The following GRID2 variants were observed in gnomAD, a reference collection of about 807,000 sequenced individuals.
GRID2 encodes the protein glutamate receptor ionotropic, delta-2.
GRID2 carries 33 observed loss-of-function variants against 114.8 expected under a neutral mutation model. That is an observed-to-expected ratio of 0.29 (90% CI 0.22 to 0.38). GRID2 has a LOEUF of 0.38. GRID2 is among the 10% of genes least tolerant of loss of function. The pLI, the probability that GRID2 is intolerant of heterozygous loss-of-function variation, is 1.00. For synonymous variants in GRID2, 505 were observed against 449.9 expected, an observed-to-expected ratio of 1.12 and a Z score of -1.55; for missense variants, 1,184 against 1,257.7, an observed-to-expected ratio of 0.94 and a Z score of 0.89.
intron 13 of GRID2, among the ~76,000 whole-genome samples, chr4:93,606,705 TTTAAAG>T: frequency 6.6e-6 from 1 of 152,294 alleles, no homozygotes; most frequent in South Asian, 2.1e-4. Context: ...TATTATTCAG[TTTAAAG>T]TTAAGGTGTG....
chr4:92,647,291 A>G (rs1287411369), intron 2 of GRID2, among the ~76,000 whole-genome samples: 1 of 152,130 alleles, frequency 6.6e-6, no homozygotes, highest in African/African-American at 2.4e-5. Context: ...TAATTGCTTT[A>G]CTATTACTAT....
intron 1 of GRID2, among the ~76,000 whole-genome samples, chr4:92,411,210 G>A (rs907020978): frequency 1.3e-5 from 2 of 152,066 alleles, no homozygotes; most frequent in African/African-American, 4.8e-5. Context: ...AGATATTTAT[G>A]TACGTGAACT....
chr4:92,709,583 A>ATATATAT (rs1553919213), intron 2 of GRID2, among the ~76,000 whole-genome samples: 10 of 127,892 alleles, frequency 7.8e-5, no homozygotes, highest in African/African-American at 3.1e-4. Flanking sequence ...AAAAAAAAAA[A>ATATATAT]AAAAAAATAT....
At chr4:93,661,572 A>G (rs72672422) in intron 14 of GRID2, among the ~76,000 whole-genome samples, 23,309 of 152,132 alleles carry the variant, frequency 0.15, 2,049 homozygotes, top group East Asian at 0.41. Flanking sequence ...TATATATTAA[A>G]TAAGCCTTCT....
chr4:92,340,731 G>A (rs1035606101), intron 1 of GRID2, among the ~76,000 whole-genome samples: 7 of 152,144 alleles, frequency 4.6e-5, no homozygotes, highest in Admixed American at 2.6e-4. Context: ...TTTTTATTCA[G>A]CATATTGCAT....
intron 2 of GRID2, among the ~76,000 whole-genome samples, chr4:92,827,397 A>G (rs1250358371): frequency 6.7e-6 from 1 of 148,538 alleles, no homozygotes; most frequent in Admixed American, 6.8e-5. Flanking sequence ...AGGGATCCTG[A>G]GATTTAAAAA....
Position 93,742,145 on chromosome 4 carries a change from G to A in GRID2, c.2361-27065G>A, listed in dbSNP as rs571271376. Among the ~76,000 whole-genome samples, 14 of 152,114 alleles carry A rather than the reference G, an allele frequency of 9.2e-5. No individual in the cohort carries two copies. The South Asian group carries it at 1.7e-3, about 18-fold the overall frequency. ...TTTTTATTGTCAATGTCATCACTTA[G>A]CAGCTTCCTTAAATTGCCCCCAAAT... On this transcript the variant is annotated intron_variant, in intron 14 of 15. Coordinates refer to ENST00000282020, the MANE Select transcript of GRID2 (RefSeq NM_001510.4).
At chr4:93,725,781 C>G (rs868864784) in intron 14 of GRID2, among the ~76,000 whole-genome samples, 1 of 152,100 alleles carries the variant, frequency 6.6e-6, no homozygotes, top group Non-Finnish European at 1.5e-5. Context: ...TAAATGTCTT[C>G]TTTTGAGAAG....
chr4:93,175,753 G>T (rs998521535), intron 4 of GRID2, among the ~76,000 whole-genome samples: 9 of 152,092 alleles, frequency 5.9e-5, no homozygotes, highest in African/African-American at 2.2e-4. Context: ...ATTGGTTCTG[G>T]AGTCCTTTTT....
chr4:93,130,402 C>T (rs1012513866), intron 4 of GRID2, among the ~76,000 whole-genome samples: 33 of 152,060 alleles, frequency 2.2e-4, no homozygotes, highest in Non-Finnish European at 3.8e-4. Context: ...GTTCGCACCA[C>T]CACAGCAATC....
At chr4:93,331,979 A>G (rs1758512747) in intron 8 of GRID2, among the ~76,000 whole-genome samples, 1 of 152,114 alleles carries the variant, frequency 6.6e-6, no homozygotes, top group Non-Finnish European at 1.5e-5. Context: ...ATTCAGAGTC[A>G]GAGCTCGATA....
At chr4:93,071,747 A>G (rs542362247) in intron 2 of GRID2, among the ~76,000 whole-genome samples, 2 of 152,184 alleles carry the variant, frequency 1.3e-5, no homozygotes, top group Non-Finnish European at 2.9e-5. Context: ...GGCCAGGCAG[A>G]AGCTTATAAA....
intron 2 of GRID2, among the ~76,000 whole-genome samples, chr4:93,084,079 T>TA (rs34037133): frequency 0.082 from 12,403 of 152,160 alleles, 791 homozygotes; most frequent in African/African-American, 0.18. Flanking sequence ...GAACCAGTTA[T>TA]AAAATGAAAA....
In GRID2 at chr4:92,329,148, G is replaced by A. The variant is rs73839284; in HGVS notation, c.88+24404G>A. 7.0e-3 allele frequency among the ~76,000 whole-genome samples: 1,057 copies of A among 151,868 alleles called. 9 individuals are homozygous for A. Among genetic ancestry groups the A allele is most frequent in the African/African-American group, 0.025 (1,017 of 41,426 alleles). On this transcript the variant is annotated intron_variant, in intron 1 of 15. Transcript: ENST00000282020. ...TATTCAAGATTATTAACCCTAAATT[G>A]TTAATATTCCAAGAATAATAATTCC...
intron 5 of GRID2, among the ~76,000 whole-genome samples, chr4:93,213,313 A>G (rs1743787394): frequency 6.6e-6 from 1 of 152,144 alleles, no homozygotes; most frequent in Admixed American, 6.5e-5. Flanking sequence ...TCAAAGGGTC[A>G]TCTTTGCTAA....
rs144836912 is a variant in GRID2 at position 92,864,832 on chromosome 4, C to T, written c.245-220163C>T. On this transcript the variant is annotated intron_variant, in intron 2 of 15. Coordinates refer to ENST00000282020, the MANE Select transcript of GRID2 (RefSeq NM_001510.4). ...AGACATCTTATCTCAACCTGTATCA[C>T]GGAACATAAATTCAGCAGTTTATGG... Among the ~76,000 whole-genome samples the T allele has an allele frequency of 3.6e-3, 553 of 152,236 alleles. 2 individuals carry two copies. Among genetic ancestry groups the T allele is most frequent in the African/African-American group, 0.013 (526 of 41,538 alleles).
At chr4:93,246,890 G>A (rs1392073037) in intron 8 of GRID2, among the ~76,000 whole-genome samples, 1 of 152,104 alleles carries the variant, frequency 6.6e-6, no homozygotes, top group Non-Finnish European at 1.5e-5. Context: ...TATATTCTGT[G>A]GACCAAATTG....
chr4:92,921,134 A>C (rs1325090209), intron 2 of GRID2, among the ~76,000 whole-genome samples: 1 of 152,014 alleles, frequency 6.6e-6, no homozygotes, highest in Non-Finnish European at 1.5e-5. Context: ...CTTCCAGTTG[A>C]TCGCGTCGGC....
intron 8 of GRID2, among the ~76,000 whole-genome samples, chr4:93,319,351 G>GCTA (rs1210814026): frequency 1.3e-5 from 2 of 152,044 alleles, no homozygotes; most frequent in African/African-American, 4.8e-5. Context: ...GAAAATAGAG[G>GCTA]CTACTGTCCC....
Sources: allele counts gnomAD v4.1 joint callset (sites outside exome capture counted in the v4.1 genomes callset), GRCh38; gene constraint gnomAD v4.1.1; transcripts MANE v1.5; gene names NCBI Gene and HGNC (gene_info 2026-07-23, HGNC 2026-07-21).